The following RFX7 variants were observed in gnomAD, a reference collection of about 807,000 sequenced individuals.
The protein encoded by RFX7 is regulatory factor X7, also known as DNA-binding protein RFX7.
Under a neutral mutation model 111.8 loss-of-function variants are expected in RFX7, and 26 were observed. That is an observed-to-expected ratio of 0.23 (90% CI 0.17 to 0.32). The LOEUF is 0.32. RFX7 is among the 10% of genes least tolerant of loss of function. The pLI, the probability that RFX7 is intolerant of heterozygous loss-of-function variation, is 1.00. For synonymous variants in RFX7, 624 were observed against 624.4 expected (o/e 1.00, Z 0.01); for missense variants, 1,573 against 1,772.9 (o/e 0.89, Z 2.02).
At chr15:56,194,283 T>G (rs1473933658) in intron 2 of RFX7, among the ~76,000 whole-genome samples, 2 of 152,114 alleles carry the variant, frequency 1.3e-5, no homozygotes, top group African/African-American at 4.8e-5. Context: ...CCTATATACT[T>G]GATTCAAATT....
At chr15:56,121,921 T>C (rs1339957997) in intron 5 of RFX7, among the ~76,000 whole-genome samples, 1 of 152,194 alleles carries the variant, frequency 6.6e-6, no homozygotes, top group African/African-American at 2.4e-5. Context: ...ATTCCTTCTC[T>C]GTGTTTTCTT....
At chr15:56,150,912 G>A (rs961275514) in intron 3 of RFX7, among the ~76,000 whole-genome samples, 11 of 151,996 alleles carry the variant, frequency 7.2e-5, no homozygotes, top group African/African-American at 2.4e-4. Context: ...CGAGAACTTC[G>A]TGTAGCATAC....
chr15:56,103,683 G>A lies in RFX7; in HGVS notation c.402-13C>T, dbSNP rs751710191. The A allele has an allele frequency of 9.4e-5, 140 of 1,497,188 alleles. No homozygotes were observed. The highest frequency in any genetic ancestry group is 1.2e-4 in the Non-Finnish European group (134 of 1,089,864). The allele number at this position is 1,497,188 out of a possible 1,614,324, so 92.7% of individuals were successfully genotyped here. A position where few individuals can be genotyped will look rare whatever the true frequency, so the allele number is the denominator to read the frequency against. ...GTCACAATAGCTCCTGCAAAAGAAG[G>A]AAGGACCAATTTAGAGTGACAGAAT... On this transcript the variant is annotated splice_polypyrimidine_tract_variant and intron_variant, in intron 5 of 9. Transcript: ENST00000559447.
chr15:56,140,340 C>G (rs181799543), intron 5 of RFX7, among the ~76,000 whole-genome samples: 17 of 152,278 alleles, frequency 1.1e-4, no homozygotes, highest in Admixed American at 1.0e-3. Flanking sequence ...TTAAGCCCGT[C>G]GGAAAAGCGC....
intron 2 of RFX7, among the ~76,000 whole-genome samples, chr15:56,217,560 TTATAGACTTTA>T (rs1400566109): frequency 7.9e-5 from 12 of 152,172 alleles, no homozygotes; most frequent in Non-Finnish European, 1.0e-4. Context: ...AACACACACT[TTATAGACTTTA>T]TATAGACTTT....
At position 56,096,462 on chromosome 15, in the gene RFX7, A is replaced by G. The variant is rs779204974; in HGVS notation, c.1266T>C (p.Asp422=). Residue 422 remains aspartate, a synonymous_variant, in exon 10 of 10, where the codon GAT becomes GAC. Transcript: ENST00000559447. The part of the protein sequence containing the change: ...PQNVPASPGG[D]RSARHRYPQI... Reference sequence around the variant, plus strand: ...GAGGGTAACGGTGCCGGGCAGAACGATCCCCACCAGGACTGGCTGGAACGT... The same window carrying G: ...GAGGGTAACGGTGCCGGGCAGAACGGTCCCCACCAGGACTGGCTGGAACGT... The G allele has an allele frequency of 3.1e-6, 5 of 1,612,166 alleles. No individual in the cohort carries two copies. Among genetic ancestry groups the G allele is most frequent in the East Asian group, 2.2e-5 (1 of 44,822 alleles).
Position 56,096,286 on chromosome 15 carries a change from G to T in RFX7, c.1442C>A (p.Thr481Lys), listed in dbSNP as rs1237721376. ...NVVKMTTISLTPSNSNTPLKH... is the reference protein window; with the variant it reads ...NVVKMTTISLKPSNSNTPLKH... ...AAGAGGGGTGTTACTGTTGCTGGGT[G>T]TGAGGGATATTGTTGTCATTTTCAC... The change falls in exon 10 of 10, where the codon ACA (threonine) becomes AAA (lysine). Residue 481 changes from threonine to lysine, a missense_variant. This residue lies in a region of RFX7 where 625 missense variants were observed against 632.2 expected (regional missense o/e 0.99). Coordinates refer to ENST00000559447, the MANE Select transcript of RFX7 (RefSeq NM_022841.7). 3 of 1,613,984 alleles carry T rather than the reference G, an allele frequency of 1.9e-6. No homozygotes were observed. The South Asian group carries it at 3.3e-5, about 18-fold the overall frequency.
At chr15:56,138,272 G>A (rs1438366620) in intron 5 of RFX7, among the ~76,000 whole-genome samples, 9 of 144,690 alleles carry the variant, frequency 6.2e-5, no homozygotes, top group African/African-American at 2.3e-4. Context: ...AGGTCACTCA[G>A]GACTTGCTTT....
In RFX7 at chr15:56,134,596, C is replaced by CT. The variant is rs71706654; in HGVS notation, c.401+8181dup. The stretch of plus-strand genomic sequence containing the variant: ...AATTGTAGCCTATCTAAATCACTTT[C>CT]TTTTTTTTTTTTTTTTACTTTCTTT... On this transcript the variant is annotated intron_variant, in intron 5 of 9. Transcript: ENST00000559447. 8.3e-3 allele frequency among the ~76,000 whole-genome samples: 1,095 copies of CT among 132,686 alleles called. 5 individuals carry two copies. Among genetic ancestry groups the CT allele is most frequent in the Middle Eastern group, 0.017 (4 of 238 alleles). The allele number at this position is 132,686 out of a possible 152,430, so 87.0% of individuals were successfully genotyped here.
intron 2 of RFX7, among the ~76,000 whole-genome samples, chr15:56,224,087 G>A (rs1272992127): frequency 1.3e-5 from 2 of 151,352 alleles, no homozygotes; most frequent in Admixed American, 1.3e-4. Flanking sequence ...TGATGCAGCT[G>A]GACCTAATAT....
At chr15:56,221,548 A>G (rs2043426686) in intron 2 of RFX7, among the ~76,000 whole-genome samples, 1 of 152,104 alleles carries the variant, frequency 6.6e-6, no homozygotes, top group African/African-American at 2.4e-5. Flanking sequence ...ATAATGTTTA[A>G]CCCATTTAAA....
chr15:56,210,358 A>G (rs180860265), intron 2 of RFX7, among the ~76,000 whole-genome samples: 9 of 152,224 alleles, frequency 5.9e-5, no homozygotes. Flanking sequence ...AGACTATTAC[A>G]CTTGAAGAGT....
intron 5 of RFX7, among the ~76,000 whole-genome samples, chr15:56,124,476 C>T (rs140127747): frequency 2.5e-4 from 38 of 152,168 alleles, no homozygotes; most frequent in African/African-American, 8.7e-4. Flanking sequence ...CTTTACATTC[C>T]CACCAACAGT....
intron 2 of RFX7, among the ~76,000 whole-genome samples, chr15:56,198,683 A>G (rs2043167572): frequency 6.6e-6 from 1 of 152,200 alleles, no homozygotes; most frequent in Non-Finnish European, 1.5e-5. Flanking sequence ...AGCCATAAGG[A>G]CACTGATTCA....
At chr15:56,103,410 T>A in intron 6 of RFX7, 144 bp downstream of exon 6, 1 of 574,202 alleles carries the variant, frequency 1.7e-6, no homozygotes. Flanking sequence ...AAAGTTACAT[T>A]TGCAATTATT....
rs1162300958 is a variant in RFX7 at position 56,089,808 on chromosome 15, C to T, written c.*3537G>A. 2.0e-5 allele frequency: 3 copies of T among 152,074 alleles called. No individual in the cohort carries two copies. Among genetic ancestry groups the T allele is most frequent in the Admixed American group, 6.6e-5 (1 of 15,248 alleles). 9.4% of individuals were successfully genotyped at this position (152,074 alleles called of 1,614,324 possible). On this transcript the variant is annotated 3_prime_UTR_variant, in exon 10 of 10. Coordinates refer to ENST00000559447, the MANE Select transcript of RFX7 (RefSeq NM_022841.7). ...TCTTTACCTCTCCCTTCCTAATCTC[C>T]ACTCCTTTCCTTTTGTAATTGCTTC...
intron 2 of RFX7, among the ~76,000 whole-genome samples, chr15:56,222,292 A>C (rs1163475233): frequency 6.6e-6 from 1 of 152,046 alleles, no homozygotes; most frequent in Admixed American, 6.6e-5. Context: ...AGCTGTCTTT[A>C]AGATGCTCTC....
rs2042093411 is a variant in RFX7, at chr15:56,122,675, T to A, written c.402-19005A>T. On this transcript the variant is annotated intron_variant, in intron 5 of 9. Transcript: ENST00000559447. ...CCAGAGATGCTATCCAGGAGCAGGA[T>A]TTGGATCCAGAAACCTTAGAAATCT... Among the ~76,000 whole-genome samples the A allele has an allele frequency of 2.6e-5, 4 of 152,180 alleles. No homozygotes were observed. The South Asian group carries it at 8.3e-4, about 31-fold the overall frequency.
At chr15:56,215,556 GT>G (rs2043355464) in intron 2 of RFX7, among the ~76,000 whole-genome samples, 1 of 152,052 alleles carries the variant, frequency 6.6e-6, no homozygotes, top group Non-Finnish European at 1.5e-5. Context: ...TGGCTAGGAT[GT>G]TATTACCATT....
Sources: allele counts gnomAD v4.1 joint callset (sites outside exome capture counted in the v4.1 genomes callset), GRCh38; gene constraint gnomAD v4.1.1; regional missense constraint gnomAD v4.1.1; transcripts MANE v1.5; gene names NCBI Gene and HGNC (gene_info 2026-07-23, HGNC 2026-07-21).